Variants in RNF212B observed in about 807,000 individuals in gnomAD.
The protein encoded by RNF212B is E3 ubiquitin-protein ligase RNF212B.
Under a neutral mutation model 55.5 loss-of-function variants are expected in RNF212B, and 52 were observed. That is an observed-to-expected ratio of 0.94 (90% confidence interval 0.75 to 1.18). RNF212B has a LOEUF of 1.18. Among genes scored for constraint, RNF212B ranks in the 50% most tolerant of loss-of-function variants. The pLI, the probability that RNF212B is intolerant of heterozygous loss-of-function variation, is 0.00. For synonymous variants in RNF212B, 99 were observed against 121.4 expected, an observed-to-expected ratio of 0.82 and a Z score of 1.21; for missense variants, 289 against 350.4, an observed-to-expected ratio of 0.82 and a Z score of 1.40.
chr14:23,256,428 G>A (rs1199518473), intron 4 of RNF212B, among the ~76,000 whole-genome samples: 1 of 151,082 alleles, frequency 6.6e-6, no homozygotes, highest in African/African-American at 2.4e-5. Context: ...CTGGAGTGCA[G>A]TGGTGCAATC....
intron 2 of RNF212B, among the ~76,000 whole-genome samples, chr14:23,231,898 TC>T (rs1456397415): frequency 2.6e-5 from 4 of 152,238 alleles, no homozygotes; most frequent in Non-Finnish European, 4.4e-5. Flanking sequence ...AGCCTCGGCC[TC>T]CCGAGGTGCC....
intron 11 of RNF212B, among the ~76,000 whole-genome samples, chr14:23,267,125 C>T (rs61588912): frequency 0.027 from 4,047 of 152,152 alleles, 183 homozygotes; most frequent in African/African-American, 0.093. Context: ...TGCACCACCA[C>T]GCCTGGCTAG....
chr14:23,271,501 G>GTT (rs11299802), intron 14 of RNF212B, among the ~76,000 whole-genome samples: 5 of 150,512 alleles, frequency 3.3e-5, no homozygotes, highest in African/African-American at 9.8e-5. Flanking sequence ...TTTTTTGTTT[G>GTT]TTTTTTTTAA....
At chr14:23,187,200 G>A (rs1450602976) in intron 1 of RNF212B, among the ~76,000 whole-genome samples, 1 of 152,210 alleles carries the variant, frequency 6.6e-6, no homozygotes, top group Non-Finnish European at 1.5e-5. Flanking sequence ...ATGAAAGGCC[G>A]TTTTCTTACA....
chr14:23,191,425 A>G (rs1432504530), intron 1 of RNF212B, among the ~76,000 whole-genome samples: 1 of 151,158 alleles, frequency 6.6e-6, no homozygotes, highest in African/African-American at 2.4e-5. Flanking sequence ...AATATCTGCC[A>G]TTACTTAACA....
At chr14:23,232,596 G>A (rs942837700) in intron 2 of RNF212B, among the ~76,000 whole-genome samples, 10 of 151,504 alleles carry the variant, frequency 6.6e-5, no homozygotes, top group Admixed American at 1.3e-4. Flanking sequence ...GGAGGGAGTT[G>A]GGGGGTCAGC....
chr14:23,230,607 T>TCGCGC (rs1882519253), intron 2 of RNF212B, among the ~76,000 whole-genome samples: 1 of 123,264 alleles, frequency 8.1e-6, no homozygotes, highest in Non-Finnish European at 1.6e-5. Context: ...TGAGCCGAGA[T>TCGCGC]CGCGCCACTG....
intron 2 of RNF212B, among the ~76,000 whole-genome samples, chr14:23,224,354 C>T (rs776780536): frequency 6.6e-6 from 1 of 152,240 alleles, no homozygotes; most frequent in South Asian, 2.1e-4. Context: ...TCAAATTATA[C>T]TGCAGAGCTA....
At chr14:23,248,654 C>T (rs917444074) in intron 4 of RNF212B, among the ~76,000 whole-genome samples, 1 of 151,272 alleles carries the variant, frequency 6.6e-6, no homozygotes. Context: ...GTTGGTCAGG[C>T]TAGTCTCGAA....
intron 2 of RNF212B, among the ~76,000 whole-genome samples, chr14:23,221,438 G>A (rs1290336230): frequency 1.3e-5 from 2 of 152,166 alleles, no homozygotes; most frequent in Non-Finnish European, 2.9e-5. Context: ...CAGCATGAGA[G>A]TGTAACAATT....
chr14:23,191,733 G>A (rs916943269), intron 1 of RNF212B, among the ~76,000 whole-genome samples: 63 of 152,148 alleles, frequency 4.1e-4, no homozygotes, highest in Non-Finnish European at 6.0e-4. Flanking sequence ...GTCTTCTTTT[G>A]TATATGTTTA....
intron 1 of RNF212B, among the ~76,000 whole-genome samples, chr14:23,188,477 T>C (rs1392243608): frequency 6.7e-6 from 1 of 149,944 alleles, no homozygotes; most frequent in Non-Finnish European, 1.5e-5. Context: ...TTTTTTTTTT[T>C]AGAGATAGGG....
chr14:23,272,615 T>C (rs1886190674), intron 14 of RNF212B: 2 of 586,826 alleles, frequency 3.4e-6, no homozygotes, highest in Non-Finnish European at 6.0e-6. Context: ...ATTATCACCA[T>C]AAGCTACTGA....
intron 11 of RNF212B, among the ~76,000 whole-genome samples, 197 bp downstream of exon 11, chr14:23,264,868 C>T (rs1447880213): frequency 6.8e-6 from 1 of 147,220 alleles, no homozygotes; most frequent in African/African-American, 2.5e-5. Flanking sequence ...GTTGCCCAGG[C>T]TGGAGTGCAA....
intron 11 of RNF212B, among the ~76,000 whole-genome samples, chr14:23,267,839 T>C (rs1227445030): frequency 6.6e-6 from 1 of 152,248 alleles, no homozygotes; most frequent in Non-Finnish European, 1.5e-5. Context: ...TCAACCTATA[T>C]GCATCTTTGA....
intron 1 of RNF212B, among the ~76,000 whole-genome samples, chr14:23,190,568 T>G (rs1878025740): frequency 6.6e-6 from 1 of 152,232 alleles, no homozygotes; most frequent in South Asian, 2.1e-4. Context: ...GACTGATCAC[T>G]TCTTACCATT....
chr14:23,223,989 A>G (rs773175959), intron 2 of RNF212B, among the ~76,000 whole-genome samples: 3 of 152,220 alleles, frequency 2.0e-5, no homozygotes, highest in Admixed American at 6.5e-5. Flanking sequence ...CTTATTTACA[A>G]CAGCCACATA....
intron 2 of RNF212B, among the ~76,000 whole-genome samples, chr14:23,193,733 T>C (rs1305419359): frequency 7.5e-6 from 1 of 133,898 alleles, no homozygotes; most frequent in Non-Finnish European, 1.6e-5. Context: ...TAATAACGCA[T>C]ACCAGTAGAA....
At chr14:23,253,623 G>A (rs1219033358) in intron 4 of RNF212B, among the ~76,000 whole-genome samples, 1 of 152,058 alleles carries the variant, frequency 6.6e-6, no homozygotes, top group Admixed American at 6.6e-5. Flanking sequence ...TATGAGGGTA[G>A]CCATTGATGA....
Sources: allele counts gnomAD v4.1 joint callset (sites outside exome capture counted in the v4.1 genomes callset), GRCh38; gene constraint gnomAD v4.1.1; transcripts MANE v1.5; gene names NCBI Gene and HGNC (gene_info 2026-07-23, HGNC 2026-07-21).